Variants in PSMC6 observed in about 807,000 individuals in gnomAD.
PSMC6 encodes proteasome 26S subunit, ATPase 6, also known as 26S proteasome regulatory subunit 10B.
PSMC6 carries 3 observed loss-of-function variants against 55.9 expected under a neutral mutation model. That is an observed-to-expected ratio of 0.05 (90% confidence interval 0.02 to 0.14). The LOEUF (loss-of-function observed/expected upper bound fraction) is 0.14. Among genes scored for constraint, PSMC6 ranks in the 10% least tolerant of loss-of-function variants. The pLI is 1.00. For missense variants in PSMC6, 210 were observed against 478.7 expected (o/e 0.44, Z 5.24); for synonymous variants, 137 against 155.9 (o/e 0.88, Z 0.90).
chr14:52,720,241 A>G (rs1196152884), intron 10 of PSMC6, among the ~76,000 whole-genome samples: 1 of 148,780 alleles, frequency 6.7e-6, no homozygotes, highest in Admixed American at 6.7e-5. Flanking sequence ...AAAAAAAAAA[A>G]AAAGCAGTCC....
chr14:52,714,727 G>T (rs750446437), intron 7 of PSMC6, among the ~76,000 whole-genome samples: 1 of 151,906 alleles, frequency 6.6e-6, no homozygotes, highest in East Asian at 1.9e-4. Context: ...TGAGCCAGGC[G>T]TGGTGGCGTG....
chr14:52,708,316 A>G lies in PSMC6; in HGVS notation c.93A>G (p.Glu31=), dbSNP rs758444449. 1.2e-6 allele frequency: 2 copies of G among 1,607,516 alleles called. No homozygotes were observed. Among genetic ancestry groups the G allele is most frequent in the Non-Finnish European group, 1.7e-6 (2 of 1,174,032 alleles). Residue 31 remains glutamate (E), a synonymous_variant, in exon 2 of 14, where the codon GAA becomes GAG. Transcript: ENST00000445930. The stretch of plus-strand genomic sequence containing the variant: ...CAAATTGTATTATTTCAGTAAGGGA[A>G]CAATTAAAAGAACTTACCAAGCAGT... ...EIDGRLKELR[E]QLKELTKQYE...
At chr14:52,720,222 C>CAAAAAAAAAAAAAAAA (rs34123680) in intron 10 of PSMC6, among the ~76,000 whole-genome samples, 1 of 62,394 alleles carries the variant, frequency 1.6e-5, no homozygotes, top group Non-Finnish European at 2.9e-5. Flanking sequence ...AGTCTGTCTC[C>CAAAAAAAAAAAAAAAA]AAAAAAAAAA....
chr14:52,715,236 A>G (rs570160284), intron 7 of PSMC6, among the ~76,000 whole-genome samples: 1 of 152,202 alleles, frequency 6.6e-6, no homozygotes, highest in South Asian at 2.1e-4. Context: ...GTTCTTCATG[A>G]TAAAAGGGAA....
intron 7 of PSMC6, among the ~76,000 whole-genome samples, chr14:52,716,528 C>T (rs373198356): frequency 1.3e-5 from 2 of 152,010 alleles, no homozygotes; most frequent in Admixed American, 6.6e-5. Flanking sequence ...CCGAGGCGGG[C>T]GGATCACCTG....
At chr14:52,714,417 A>T (rs969260219) in intron 7 of PSMC6, among the ~76,000 whole-genome samples, 1 of 152,170 alleles carries the variant, frequency 6.6e-6, no homozygotes, top group African/African-American at 2.4e-5. Context: ...ATTTATGTCT[A>T]CTGTTCTTTG....
chr14:52,707,394 G>T, intron 1 of PSMC6, 90 bp downstream of exon 1: 1 of 1,539,854 alleles, frequency 6.5e-7, no homozygotes, highest in East Asian at 2.3e-5. Context: ...CCCGGCAACC[G>T]AGCCTTAGAG....
intron 6 of PSMC6, among the ~76,000 whole-genome samples, chr14:52,712,575 C>G (rs2041785374): frequency 6.6e-6 from 1 of 152,050 alleles, no homozygotes; most frequent in Non-Finnish European, 1.5e-5. Flanking sequence ...GTATTGATTT[C>G]TCTCACTTCT....
chr14:52,712,987 T>G (rs1273990930), intron 6 of PSMC6, among the ~76,000 whole-genome samples: 2 of 152,058 alleles, frequency 1.3e-5, no homozygotes, highest in Non-Finnish European at 2.9e-5. Context: ...ATCCCAGCAC[T>G]CTGGGAGGCT....
intron 13 of PSMC6, among the ~76,000 whole-genome samples, chr14:52,724,817 A>G (rs1057324899): frequency 3.9e-5 from 6 of 152,238 alleles, no homozygotes; most frequent in Non-Finnish European, 8.8e-5. Flanking sequence ...AAACTTCTAC[A>G]GTATAGTTAC....
At chr14:52,708,650 C>T (rs2041731211) in intron 3 of PSMC6, 114 bp from the exon 4 acceptor site, 1 of 1,542,768 alleles carries the variant, frequency 6.5e-7, no homozygotes, top group Non-Finnish European at 8.8e-7. Flanking sequence ...TTAAGTTTTC[C>T]TTCAACTAAT....
intron 7 of PSMC6, among the ~76,000 whole-genome samples, chr14:52,717,471 G>A (rs2041842467): frequency 6.6e-6 from 1 of 151,408 alleles, no homozygotes; most frequent in African/African-American, 2.4e-5. Context: ...CAGTAGGTGG[G>A]ACTACAGGCA....
chr14:52,708,559 C>G, intron 3 of PSMC6, 37 bp downstream of exon 3: 1 of 1,587,668 alleles, frequency 6.3e-7, no homozygotes, highest in Non-Finnish European at 8.6e-7. Context: ...AGTAAAGAAA[C>G]AGTCCACCTC....
chr14:52,712,743 C>T (rs2041787731), intron 6 of PSMC6, among the ~76,000 whole-genome samples: 2 of 152,136 alleles, frequency 1.3e-5, no homozygotes, highest in South Asian at 4.2e-4. Context: ...TCACCTCACC[C>T]TCCCAAGTAG....
chr14:52,713,328 G>A (rs890437752), intron 6 of PSMC6, among the ~76,000 whole-genome samples: 1 of 152,198 alleles, frequency 6.6e-6, no homozygotes, highest in Non-Finnish European at 1.5e-5. Flanking sequence ...CCTTGAATCA[G>A]TCTTGAGAGC....
intron 12 of PSMC6, chr14:52,722,117 G>A (rs1245750462): frequency 2.6e-5 from 4 of 152,290 alleles, no homozygotes; most frequent in Non-Finnish European, 5.9e-5. Flanking sequence ...CAATAGGTCA[G>A]ATAAAGAGTT....
chr14:52,710,873 C>T (rs754043221), intron 4 of PSMC6: 21 of 526,386 alleles, frequency 4.0e-5, no homozygotes, highest in Non-Finnish European at 6.8e-5. Flanking sequence ...AGTCATTTCA[C>T]ATTTTACACT....
chr14:52,710,948 T>A, intron 4 of PSMC6, 153 bp from the exon 5 acceptor site: 9 of 598,048 alleles, frequency 1.5e-5, no homozygotes, highest in South Asian at 5.5e-5. Context: ...ACTTATTTTA[T>A]AAGCCATTTT....
intron 10 of PSMC6, among the ~76,000 whole-genome samples, chr14:52,720,038 C>T (rs1451792690): frequency 3.3e-5 from 5 of 151,926 alleles, no homozygotes; most frequent in Admixed American, 6.6e-5. Context: ...GCCTGACCAA[C>T]GTAGCGAAAC....
Sources: gnomAD v4.1 joint callset for allele counts (sites outside exome capture counted in the v4.1 genomes callset) on GRCh38, gnomAD v4.1.1 for gene constraint, MANE v1.5 for transcripts, NCBI Gene and HGNC (gene_info 2026-07-23, HGNC 2026-07-21) for gene names.